CXADR: variants seen among roughly 807,000 people sequenced by gnomAD.
CXADR encodes coxsackievirus and adenovirus receptor.
A neutral mutation model predicts 40.3 loss-of-function variants in CXADR; 20 were observed. The ratio of observed to expected loss-of-function variants is 0.50; its 90% CI spans 0.35 to 0.72. The LOEUF is 0.72. Among genes scored for constraint, CXADR ranks in the 30% least tolerant of loss-of-function variants. The pLI is 0.01. For missense variants in CXADR, 332 were observed against 449.1 expected (o/e 0.74, Z 2.36); for synonymous variants, 150 against 161.3 (o/e 0.93, Z 0.53).
chr21:17,559,666 TGGG>T lies in CXADR; in HGVS notation c.571+536_571+538del, dbSNP rs771706152. Among the ~76,000 whole-genome samples, 8 of 80,890 alleles carry T rather than the reference TGGG, an allele frequency of 9.9e-5. 1 individual carries two copies. The highest frequency in any genetic ancestry group is 3.9e-4 in the Admixed American group (3 of 7,656). The allele number at this position is 80,890 out of a possible 152,430, so 53.1% of individuals were successfully genotyped here. ...TATTAGTTACTTTGGTACTTTTTTT[TGGG>T]TTTTTTTTTTTTTTTTTTTTTTCCG... is the stretch of plus-strand genomic sequence containing the variant. On this transcript the variant is annotated intron_variant, in intron 4 of 6. Transcript: ENST00000284878.
chr21:17,564,166 A>G (rs954285354), intron 6 of CXADR, among the ~76,000 whole-genome samples: 1 of 151,458 alleles, frequency 6.6e-6, no homozygotes, highest in Admixed American at 6.6e-5. Context: ...GACCTCCTGC[A>G]GATACCAAAA....
At chr21:17,532,873 A>G (rs2060695807) in intron 1 of CXADR, among the ~76,000 whole-genome samples, 1 of 152,202 alleles carries the variant, frequency 6.6e-6, no homozygotes, top group Non-Finnish European at 1.5e-5. Context: ...ACATCTAGTC[A>G]CGGAGAGGCT....
intron 7 of CXADR, among the ~76,000 whole-genome samples, chr21:17,592,894 C>CTA (rs2061452712): frequency 6.6e-6 from 1 of 151,790 alleles, no homozygotes; most frequent in Non-Finnish European, 1.5e-5. Context: ...TACTATTGAG[C>CTA]TATACCTTTA....
At position 17,551,806 on chromosome 21, in the gene CXADR, C is replaced by T. The variant is rs1207573668; in HGVS notation, c.268C>T (p.Arg90Ter). The T allele has an allele frequency of 3.7e-6, 6 of 1,613,576 alleles. No homozygotes were observed. The highest frequency in any genetic ancestry group is 2.5e-6 in the Non-Finnish European group (3 of 1,179,758). Residue 90 changes from arginine (R) to a stop codon, truncating the protein, a stop_gained, in exon 3 of 7, where the codon CGA becomes TGA. Coordinates refer to ENST00000284878, the MANE Select transcript of CXADR (RefSeq NM_001338.5). LOFTEE classifies it high-confidence loss of function. ...YDDYYPDLKG[R>*]VHFTSNDLKS... The stretch of plus-strand genomic sequence containing the variant: ...TGACTACTATCCAGATCTGAAAGGC[C>T]GAGTACATTTTACGAGTAATGATCT...
chr21:17,577,436 T>A (rs2061329445), intron 7 of CXADR, among the ~76,000 whole-genome samples: 1 of 152,030 alleles, frequency 6.6e-6, no homozygotes, highest in Non-Finnish European at 1.5e-5. Flanking sequence ...CATTTTCTTA[T>A]TTTTGGACCT....
chr21:17,580,481 G>A (rs2061352479), intron 7 of CXADR, among the ~76,000 whole-genome samples: 1 of 152,132 alleles, frequency 6.6e-6, no homozygotes, highest in South Asian at 2.1e-4. Context: ...AGCTGGGCAT[G>A]GTGGCAGGCG....
intron 3 of CXADR, among the ~76,000 whole-genome samples, chr21:17,552,730 C>T (rs1601006662): frequency 6.6e-6 from 1 of 152,206 alleles, no homozygotes; most frequent in East Asian, 1.9e-4. Flanking sequence ...CCCCTGTCCT[C>T]ATGTTTTAGG....
the CXADR span, among the ~76,000 whole-genome samples, chr21:17,616,328 C>G: frequency 6.9e-6 from 1 of 145,012 alleles, no homozygotes; most frequent in Non-Finnish European, 1.5e-5. Flanking sequence ...AATCTGAATA[C>G]AAAAGTCTTT....
At chr21:17,521,325 T>C (rs1327103357) in intron 1 of CXADR, among the ~76,000 whole-genome samples, 1 of 151,996 alleles carries the variant, frequency 6.6e-6, no homozygotes, top group African/African-American at 2.4e-5. Context: ...GATTTTATTA[T>C]TATTATTATT....
intron 2 of CXADR, among the ~76,000 whole-genome samples, chr21:17,550,008 A>G (rs1349154352): frequency 6.6e-6 from 1 of 152,154 alleles, no homozygotes; most frequent in African/African-American, 2.4e-5. Flanking sequence ...TACTTCTTTT[A>G]TTTACTTAGC....
In CXADR at chr21:17,560,716, G is replaced by A; in HGVS notation, c.586G>A (p.Val196Ile). The change falls in exon 5 of 7, where the codon GTT becomes ATT. Residue 196 changes from valine to isoleucine, a missense_variant. By Grantham distance (29) the Val-to-Ile change is conservative. This residue lies in a region of CXADR where 20 missense variants were observed against 56.4 expected (regional missense o/e 0.35). Transcript: ENST00000284878. ...TSWLAEMTSS[V>I]ISVKNASSEY... is the part of the protein sequence containing the mutation. The stretch of plus-strand genomic sequence containing the variant: ...TCCTTCCATAGAAATGACTTCATCT[G>A]TTATATCTGTAAAAAATGCCTCTTC... 1 of 1,612,766 alleles carries A rather than the reference G, an allele frequency of 6.2e-7. No homozygotes were observed. The highest frequency in any genetic ancestry group is 2.2e-5 in the East Asian group (1 of 44,864).
Position 17,582,972 on chromosome 21 carries a change from CAGG to C in CXADR, c.1018-10177_1018-10175del, listed in dbSNP as rs1326409819. ...CAACAATGAGATAATTTTTTGGGAA[CAGG>C]AGAATGACCTTGCGATTCTGGGAGG... On this transcript the variant is annotated intron_variant, in intron 7 of 7. Coordinates refer to the CXADR transcript ENST00000400169. Among the ~76,000 whole-genome samples the C allele has an allele frequency of 3.9e-5, 6 of 152,266 alleles. No homozygotes were observed. The East Asian group carries it at 1.2e-3, about 29-fold the overall frequency.
chr21:17,553,973 A>G (rs566689568), intron 3 of CXADR, among the ~76,000 whole-genome samples: 5 of 152,318 alleles, frequency 3.3e-5, no homozygotes, highest in Admixed American at 2.0e-4. Context: ...AACCCTGACT[A>G]TACTTTCTTC....
At chr21:17,530,362 T>G (rs2060657567) in intron 1 of CXADR, 1 of 449,746 alleles carries the variant, frequency 2.2e-6, no homozygotes, top group African/African-American at 2.0e-5. Flanking sequence ...GTTTTTTGTC[T>G]TATTTTACTT....
At chr21:17,534,303 G>T (rs988586390) in intron 1 of CXADR, among the ~76,000 whole-genome samples, 1 of 151,510 alleles carries the variant, frequency 6.6e-6, no homozygotes, top group Non-Finnish European at 1.5e-5. Context: ...CGCCATGTGG[G>T]CCAGGCTGGT....
At chr21:17,570,979 T>G (rs2061273147), downstream of CXADR, among the ~76,000 whole-genome samples, 1 of 152,188 alleles carries the variant, frequency 6.6e-6, no homozygotes, top group South Asian at 2.1e-4. Flanking sequence ...CACCCCTGGC[T>G]TCCACCCGCT....
At chr21:17,515,644 T>C (rs2060451444) in intron 1 of CXADR, among the ~76,000 whole-genome samples, 1 of 152,002 alleles carries the variant, frequency 6.6e-6, no homozygotes, top group Non-Finnish European at 1.5e-5. Flanking sequence ...ACCCCGTCCC[T>C]ACTAAAAATA....
intron 3 of CXADR, among the ~76,000 whole-genome samples, chr21:17,557,519 A>G (rs778784938): frequency 1.3e-5 from 2 of 152,202 alleles, no homozygotes; most frequent in Non-Finnish European, 2.9e-5. Context: ...TCTGATTTTG[A>G]TAGACCACAC....
intron 7 of CXADR, among the ~76,000 whole-genome samples, chr21:17,581,897 A>G (rs372688304): frequency 0.094 from 15 of 160 alleles, no homozygotes; most frequent in African/African-American, 0.26. Flanking sequence ...CCTTTGTACT[A>G]GTAGTCTGGC....
Sources: allele counts gnomAD v4.1 joint callset (sites outside exome capture counted in the v4.1 genomes callset), GRCh38; gene constraint gnomAD v4.1.1; regional missense constraint gnomAD v4.1.1; transcripts MANE v1.5; gene names NCBI Gene and HGNC (gene_info 2026-07-23, HGNC 2026-07-21).